The following DOCK3 variants were observed in gnomAD, a reference collection of about 807,000 sequenced individuals.
DOCK3 encodes the protein dedicator of cytokinesis protein 3.
DOCK3 carries 60 observed loss-of-function variants against 265.6 expected under a neutral mutation model. That is an observed-to-expected ratio of 0.23 (90% CI 0.18 to 0.28). The LOEUF is 0.28. Ranked by LOEUF, DOCK3 falls within the 10% of genes least tolerant of loss-of-function variation. The probability of loss-of-function intolerance (pLI) is 1.00; values close to 1 mark genes in which losing one functional copy is unlikely to be tolerated. For synonymous variants in DOCK3, 881 were observed against 938.0 expected, an observed-to-expected ratio of 0.94 and a Z score of 1.11; for missense variants, 1,981 against 2,594.3, an observed-to-expected ratio of 0.76 and a Z score of 5.14.
At chr3:50,907,054 A>G (rs2049554764) in intron 4 of DOCK3, among the ~76,000 whole-genome samples, 1 of 151,972 alleles carries the variant, frequency 6.6e-6, no homozygotes, top group African/African-American at 2.4e-5. Flanking sequence ...GTTTCCATGT[A>G]GTTGAGTGGT....
intron 5 of DOCK3, among the ~76,000 whole-genome samples, chr3:50,976,448 C>T (rs1316324024): frequency 2.8e-5 from 3 of 107,886 alleles, no homozygotes; most frequent in Non-Finnish European, 5.7e-5. Context: ...TGTAGTTGAG[C>T]GGTTTTGAGT....
At chr3:51,030,625 T>C (rs2080010815) in intron 5 of DOCK3, among the ~76,000 whole-genome samples, 1 of 152,240 alleles carries the variant, frequency 6.6e-6, no homozygotes, top group South Asian at 2.1e-4. Context: ...GTTCTACTTT[T>C]AGTTTACTTT....
At chr3:51,269,618 G>A (rs1200636713) in intron 23 of DOCK3, among the ~76,000 whole-genome samples, 2 of 152,148 alleles carry the variant, frequency 1.3e-5, no homozygotes, top group Non-Finnish European at 2.9e-5. Flanking sequence ...CAAGAAAACA[G>A]CCTTCCCTCC....
chr3:50,785,193 T>A (rs1190275362), intron 2 of DOCK3, among the ~76,000 whole-genome samples: 1 of 152,194 alleles, frequency 6.6e-6, no homozygotes, highest in Non-Finnish European at 1.5e-5. Context: ...TTTCTGAGTT[T>A]ATTTTTCAGT....
intron 5 of DOCK3, among the ~76,000 whole-genome samples, chr3:50,973,241 A>G (rs2077311186): frequency 6.7e-6 from 1 of 148,276 alleles, no homozygotes; most frequent in African/African-American, 2.5e-5. Context: ...GCACCCACTA[A>G]CTCGTCATCT....
chr3:51,177,756 C>G (rs1294144318), intron 12 of DOCK3, among the ~76,000 whole-genome samples: 3 of 152,020 alleles, frequency 2.0e-5, no homozygotes, highest in Admixed American at 6.6e-5. Context: ...TTTGGGAGGC[C>G]GAGACAGGCA....
rs782578329 is a variant in DOCK3 at position 51,381,498 on chromosome 3, C to G, written c.6032C>G (p.Pro2011Arg). 1 of 1,583,256 alleles carries G rather than the reference C, an allele frequency of 6.3e-7. No individual in the cohort carries two copies. Among genetic ancestry groups the G allele is most frequent in the South Asian group, 1.1e-5 (1 of 87,560 alleles). ...RGLHRKAPLP[P>R]GSAKEEQARM... ...CTGCACCGCAAGGCTCCATTGCCTC[C>G]TGGGAGCGCTAAGGAGGAGCAGGCC... Residue 2011 changes from proline (P) to arginine (R), a missense_variant, in exon 53 of 53, where the codon CCT becomes CGT. By Grantham distance (103) the Pro-to-Arg change is moderately radical. Transcript: ENST00000266037. This position sits in a 1 kb window ranked among gnomAD's most constrained non-coding sequence, Gnocchi z 5.6.
chr3:50,714,543 G>A (rs2036975636), intron 1 of DOCK3, among the ~76,000 whole-genome samples: 1 of 152,152 alleles, frequency 6.6e-6, no homozygotes, highest in African/African-American at 2.4e-5. Context: ...GTGCTGTGGT[G>A]TGATCATGGC....
At chr3:50,680,512 C>CTTT (rs3066820) in intron 1 of DOCK3, among the ~76,000 whole-genome samples, 2 of 72,928 alleles carry the variant, frequency 2.7e-5, no homozygotes, top group African/African-American at 5.8e-5. Flanking sequence ...CCGTGCCCTG[C>CTTT]TTTTTTTTTT....
intron 9 of DOCK3, among the ~76,000 whole-genome samples, chr3:51,127,971 G>C (rs541715444): frequency 6.6e-6 from 1 of 152,294 alleles, no homozygotes; most frequent in East Asian, 1.9e-4. Context: ...GCAGTAGACT[G>C]ATTTCATCTT....
At chr3:50,807,249 CT>C (rs59370167) in intron 2 of DOCK3, among the ~76,000 whole-genome samples, 2,121 of 143,546 alleles carry the variant, frequency 0.015, 31 homozygotes, top group African/African-American at 0.053. Context: ...CTGCCACGCT[CT>C]TTTTTTTTTT....
At chr3:51,347,498 A>G (rs932821956) in intron 38 of DOCK3, among the ~76,000 whole-genome samples, 5 of 152,068 alleles carry the variant, frequency 3.3e-5, no homozygotes, top group African/African-American at 1.2e-4. Context: ...GTTGGTCCAT[A>G]TCTCTGTTTT....
At chr3:51,210,866 AT>A (rs914228915) in intron 13 of DOCK3, among the ~76,000 whole-genome samples, 32 of 152,320 alleles carry the variant, frequency 2.1e-4, no homozygotes, top group African/African-American at 7.7e-4. Flanking sequence ...CAATTGCTAC[AT>A]TGGGTTTGAG....
Position 51,099,898 on chromosome 3 carries a change from G to A in DOCK3, c.746+9514G>A, listed in dbSNP as rs770713293. ...ACTGAGAAGGTACACCTACTGTGGG[G>A]CTACCTTCCAGGGAAGAGACTTAAT... is the stretch of plus-strand genomic sequence containing the variant. On this transcript the variant is annotated intron_variant, in intron 9 of 52. Coordinates refer to ENST00000266037, the MANE Select transcript of DOCK3 (RefSeq NM_004947.5). Among the ~76,000 whole-genome samples, 4 of 152,140 alleles carry A rather than the reference G, an allele frequency of 2.6e-5. No homozygotes were observed. The South Asian group carries it at 6.2e-4, about 24-fold the overall frequency.
Position 51,381,310 on chromosome 3 carries a change from C to T in DOCK3, c.5844C>T (p.Ile1948=), listed in dbSNP as rs371421164. 3 of 1,613,508 alleles carry T rather than the reference C, an allele frequency of 1.9e-6. No homozygotes were observed. The African/African-American group carries it at 4.0e-5, about 22-fold the overall frequency. The change falls in exon 53 of 53, where the codon ATC becomes ATT. Residue 1948 remains isoleucine, a synonymous_variant. Transcript: ENST00000266037. The surrounding 1 kb of genome is among the most constrained non-coding windows in gnomAD (Gnocchi z 5.6). ...SLSESAVLDS[I]KAQPCRSHSA... is the part of the protein sequence containing the mutation. ...CTGAGTCTGCCGTCCTGGACTCCAT[C>T]AAGGCCCAGCCATGCCGAAGCCACT...
At chr3:51,081,797 G>A (rs2082250857) in intron 7 of DOCK3, among the ~76,000 whole-genome samples, 1 of 151,566 alleles carries the variant, frequency 6.6e-6, no homozygotes, top group African/African-American at 2.4e-5. Flanking sequence ...TCGGGAGGCT[G>A]AGGCAGGAGA....
chr3:51,360,707 C>G (rs1323889372), intron 47 of DOCK3, 75 bp downstream of exon 47: 10 of 1,571,868 alleles, frequency 6.4e-6, no homozygotes, highest in Non-Finnish European at 7.8e-6. Context: ...GGAAAGAGTC[C>G]TCATGTATAC....
chr3:50,912,916 C>T (rs1329183506), intron 4 of DOCK3, among the ~76,000 whole-genome samples: 1 of 152,048 alleles, frequency 6.6e-6, no homozygotes, highest in African/African-American at 2.4e-5. Context: ...GAATCGAGGG[C>T]CCCTAGAGGC....
Position 51,374,566 on chromosome 3 carries a change from A to G in DOCK3, c.5391A>G (p.Ala1797=), listed in dbSNP as rs1339961659. The change falls in exon 50 of 53, where the codon GCA becomes GCG. Residue 1797 remains alanine (A), a synonymous_variant. Transcript: ENST00000266037. This position sits in a 1 kb window ranked among gnomAD's most constrained non-coding sequence, Gnocchi z 4.8. The part of the protein sequence containing the change: ...RDRPSSAMYP[A]AILENGQPPN... ...GCCCAAGCAGTGCCATGTATCCAGC[A>G]GCCATCCTGGAGAACGGACAGGTAA... 1 of 1,613,364 alleles carries G rather than the reference A, an allele frequency of 6.2e-7. No homozygotes were observed.
Sources: allele counts gnomAD v4.1 joint callset (sites outside exome capture counted in the v4.1 genomes callset), GRCh38; gene constraint gnomAD v4.1.1; non-coding constraint Gnocchi (gnomAD v3.1); transcripts MANE v1.5; gene names NCBI Gene and HGNC (gene_info 2026-07-23, HGNC 2026-07-21).